Variants in LYRM7 observed in about 807,000 individuals in gnomAD.
The protein encoded by LYRM7 is complex III assembly factor LYRM7.
Under a neutral mutation model 15.8 loss-of-function variants are expected in LYRM7, and 9 were observed. The observed-to-expected ratio is 0.57, with a 90% CI of 0.34 to 0.99. The LOEUF is 0.99. Among genes scored for constraint, LYRM7 ranks in the 50% least tolerant of loss-of-function variants. The pLI is 0.02. For synonymous variants in LYRM7, 39 were observed against 39.4 expected (o/e 0.99, Z 0.04); for missense variants, 115 against 119.1 (o/e 0.97, Z 0.16).
chr5:131,198,715 C>T (rs981606472), intron 4 of LYRM7, among the ~76,000 whole-genome samples: 2 of 151,428 alleles, frequency 1.3e-5, no homozygotes, highest in Non-Finnish European at 2.9e-5. Context: ...TACAGGCATG[C>T]ACCACCACAC....
chr5:131,177,792 A>G (rs371797363), intron 1 of LYRM7, among the ~76,000 whole-genome samples: 1 of 152,078 alleles, frequency 6.6e-6, no homozygotes, highest in East Asian at 1.9e-4. Flanking sequence ...TATTAAGTGA[A>G]AATTTTAAAA....
At chr5:131,195,026 G>T (rs1755941515) in intron 4 of LYRM7, among the ~76,000 whole-genome samples, 1 of 152,182 alleles carries the variant, frequency 6.6e-6, no homozygotes, top group African/African-American at 2.4e-5. Flanking sequence ...CACTTTGGGA[G>T]GCTGAGGTGG....
In LYRM7 at chr5:131,182,127, A is replaced by C. The variant is rs1288354083; in HGVS notation, c.92-102A>C. 13 of 1,029,872 alleles carry C rather than the reference A, an allele frequency of 1.3e-5. No individual in the cohort carries two copies. The South Asian group carries it at 1.8e-4, about 14-fold the overall frequency. 63.8% of individuals were successfully genotyped at this position (1,029,872 alleles called of 1,614,324 possible). A position where few individuals can be genotyped will look rare whatever the true frequency, so the allele number is the denominator to read the frequency against. On this transcript the variant is annotated intron_variant, in intron 2 of 4. Transcript: ENST00000379380. Reference sequence around the variant, plus strand: ...TTTGTTTTTCATGAGGGCAATTTCTATAGTAGAGAAGTAGCCATTCATAGT... The same window carrying C: ...TTTGTTTTTCATGAGGGCAATTTCTCTAGTAGAGAAGTAGCCATTCATAGT...
In LYRM7 at chr5:131,181,397, T is replaced by TGTTG. The variant is rs200207805; in HGVS notation, c.92-832_92-831insGTTG. Among the ~76,000 whole-genome samples, 70 of 99,322 alleles carry TGTTG rather than the reference T, an allele frequency of 7.0e-4. 2 individuals carry two copies. The highest frequency in any genetic ancestry group is 4.1e-3 in the African/African-American group (64 of 15,610). 65.2% of individuals were successfully genotyped at this position (99,322 alleles called of 152,430 possible). ...TGTATATATAATATATACATATATA[T>TGTTG]TATATATACATATATATGTTTATAT... On this transcript the variant is annotated intron_variant, in intron 2 of 4. Transcript: ENST00000379380.
chr5:131,186,922 C>T lies in LYRM7; in HGVS notation c.163-106C>T, dbSNP rs1042978909. ...TGAAACTGCAGATAAGGAGAAACTA[C>T]TGTATTACTTGAAAAGAAATTATAG... On this transcript the variant is annotated intron_variant, in intron 3 of 4. Transcript: ENST00000379380. 3.0e-5 allele frequency: 20 copies of T among 659,204 alleles called. No individual in the cohort carries two copies. In the African/African-American group the frequency reaches 3.4e-4, roughly 11 times the overall value. 40.8% of individuals were successfully genotyped at this position (659,204 alleles called of 1,614,324 possible).
chr5:131,186,347 TAAATCTG>T (rs1471654862), intron 3 of LYRM7, among the ~76,000 whole-genome samples: 1 of 152,204 alleles, frequency 6.6e-6, no homozygotes, highest in Non-Finnish European at 1.5e-5. Flanking sequence ...AAAAATACTC[TAAATCTG>T]TTTTGGAAGA....
At chr5:131,196,250 C>T (rs1050236273) in intron 4 of LYRM7, among the ~76,000 whole-genome samples, 7 of 151,680 alleles carry the variant, frequency 4.6e-5, no homozygotes, top group African/African-American at 1.2e-4. Context: ...GACTACCGCT[C>T]GGGCAATCCA....
chr5:131,197,255 A>G (rs1755980884), intron 4 of LYRM7, among the ~76,000 whole-genome samples: 1 of 152,220 alleles, frequency 6.6e-6, no homozygotes. Flanking sequence ...CTAGCATGAA[A>G]TAGGCACATA....
chr5:131,181,167 T>C (rs532939848), intron 2 of LYRM7, among the ~76,000 whole-genome samples: 1 of 144,344 alleles, frequency 6.9e-6, no homozygotes. Context: ...GGCACACACC[T>C]GTAATCCCTT....
chr5:131,179,270 G>A (rs1174423715), intron 1 of LYRM7, among the ~76,000 whole-genome samples: 1 of 151,976 alleles, frequency 6.6e-6, no homozygotes, highest in Non-Finnish European at 1.5e-5. Flanking sequence ...TGTTTTTAAT[G>A]TAGAGATAAA....
At chr5:131,198,763 G>A (rs1756012304) in intron 4 of LYRM7, among the ~76,000 whole-genome samples, 1 of 150,774 alleles carries the variant, frequency 6.6e-6, no homozygotes, top group South Asian at 2.1e-4. Flanking sequence ...TAGAGATGGG[G>A]TTTCACCATG....
intron 1 of LYRM7, among the ~76,000 whole-genome samples, chr5:131,178,766 C>T (rs1247971530): frequency 6.6e-6 from 1 of 152,028 alleles, no homozygotes; most frequent in East Asian, 1.9e-4. Context: ...TTGAAACCAG[C>T]CCAGCCAACA....
At chr5:131,175,609 G>A (rs544008414) in intron 1 of LYRM7, among the ~76,000 whole-genome samples, 4 of 150,052 alleles carry the variant, frequency 2.7e-5, no homozygotes, top group South Asian at 2.1e-4. Flanking sequence ...ATCTTGGCTC[G>A]CCGCAACCTC....
At chr5:131,183,721 C>T (rs1304201344) in intron 3 of LYRM7, among the ~76,000 whole-genome samples, 7 of 152,118 alleles carry the variant, frequency 4.6e-5, no homozygotes, top group African/African-American at 1.7e-4. Context: ...TCTAGACCAG[C>T]AGTTCTCAAA....
At chr5:131,181,473 A>G (rs1389409237) in intron 2 of LYRM7, among the ~76,000 whole-genome samples, 1 of 129,164 alleles carries the variant, frequency 7.7e-6, no homozygotes, top group Non-Finnish European at 1.6e-5. Flanking sequence ...ATGTATATAT[A>G]TATAACATAT....
intron 3 of LYRM7, among the ~76,000 whole-genome samples, chr5:131,184,320 A>T (rs929726099): frequency 6.6e-6 from 1 of 152,076 alleles, no homozygotes; most frequent in Non-Finnish European, 1.5e-5. Flanking sequence ...AGCCTTACAC[A>T]GATTTGTAGT....
chr5:131,173,194 A>G (rs985532344), intron 1 of LYRM7, among the ~76,000 whole-genome samples: 2 of 152,206 alleles, frequency 1.3e-5, no homozygotes, highest in Non-Finnish European at 2.9e-5. Flanking sequence ...TATTTTTACC[A>G]AGGCAATCCA....
intron 4 of LYRM7, among the ~76,000 whole-genome samples, chr5:131,189,776 C>G (rs1249052825): frequency 6.6e-6 from 1 of 152,094 alleles, no homozygotes; most frequent in Non-Finnish European, 1.5e-5. Flanking sequence ...ATCTTCCTAC[C>G]TGGTAGTATA....
chr5:131,183,929 A>C (rs1348914203), intron 3 of LYRM7, among the ~76,000 whole-genome samples: 1 of 152,156 alleles, frequency 6.6e-6, no homozygotes, highest in African/African-American at 2.4e-5. Context: ...ATTTTTAAAA[A>C]TGTAGTGAGA....
Sources: allele counts gnomAD v4.1 joint callset (sites outside exome capture counted in the v4.1 genomes callset), GRCh38; gene constraint gnomAD v4.1.1; transcripts MANE v1.5; gene names NCBI Gene and HGNC (gene_info 2026-07-23, HGNC 2026-07-21).